Variants in NCBP1 observed in about 807,000 individuals in gnomAD.
NCBP1 encodes nuclear cap-binding protein subunit 1.
A neutral mutation model predicts 111.7 loss-of-function variants in NCBP1; 16 were observed. That is an observed-to-expected ratio of 0.14 (90% CI 0.10 to 0.22). NCBP1 has a LOEUF of 0.22. Among genes scored for constraint, NCBP1 ranks in the 10% least tolerant of loss-of-function variants. NCBP1 has a pLI of 1.00. For missense variants in NCBP1, 607 were observed against 957.5 expected (o/e 0.63, Z 4.83); for synonymous variants, 304 against 314.3 (o/e 0.97, Z 0.35).
At chr9:97,653,740 C>G in intron 10 of NCBP1, 58 bp from the exon 11 acceptor site, 1 of 1,317,364 alleles carries the variant, frequency 7.6e-7, no homozygotes, top group African/African-American at 1.5e-5. Flanking sequence ...TAAGGTCTTT[C>G]TAATAGAAGT....
chr9:97,670,877 A>C (rs1828169635), intron 22 of NCBP1, among the ~76,000 whole-genome samples: 1 of 152,170 alleles, frequency 6.6e-6, no homozygotes, highest in Admixed American at 6.5e-5. Flanking sequence ...GGATTTTTTA[A>C]AAAGCTATTG....
At chr9:97,668,768 T>C (rs944748789) in intron 20 of NCBP1, 78 bp from the exon 21 acceptor site, 3 of 1,494,180 alleles carry the variant, frequency 2.0e-6, no homozygotes, top group African/African-American at 2.8e-5. Context: ...CCAGACACAG[T>C]AAAATGCTTC....
rs1163946813 is a variant in NCBP1, at chr9:97,656,168, A to G, written c.1373+83A>G. 5 of 1,147,496 alleles carry G rather than the reference A, an allele frequency of 4.4e-6. 1 individual carries two copies. The Admixed American group carries it at 6.3e-5, about 15-fold the overall frequency. 71.1% of individuals were successfully genotyped at this position (1,147,496 alleles called of 1,614,324 possible). On this transcript the variant is annotated intron_variant, in intron 14 of 22. Coordinates refer to ENST00000375147, the MANE Select transcript of NCBP1 (RefSeq NM_002486.5). Reference sequence around the variant, plus strand: ...TGCACTTGTGATGTGTGTTCAGAATATTGGATTCAAAATCCACTTACTCAT... The same window carrying G: ...TGCACTTGTGATGTGTGTTCAGAATGTTGGATTCAAAATCCACTTACTCAT...
intron 16 of NCBP1, among the ~76,000 whole-genome samples, chr9:97,661,735 T>G (rs78741562): frequency 8.3e-6 from 1 of 121,132 alleles, no homozygotes; most frequent in Non-Finnish European, 1.5e-5. Flanking sequence ...CTTAAGTGTT[T>G]TTTTTTTTTT....
intron 14 of NCBP1, among the ~76,000 whole-genome samples, chr9:97,656,536 G>A (rs1383749524): frequency 6.6e-6 from 1 of 152,144 alleles, no homozygotes; most frequent in East Asian, 1.9e-4. Flanking sequence ...GGCCGACAGA[G>A]CGACACTCTT....
rs908115606 is a variant in NCBP1, at chr9:97,673,173, A to G, written c.*1974A>G. ...AGCATATAACATACAAAATGAGTTT[A>G]TCAACTGTTTGTTATTGGTAAGTCA... is the stretch of plus-strand genomic sequence containing the variant. On this transcript the variant is annotated 3_prime_UTR_variant, in exon 23 of 23. Transcript: ENST00000375147. The G allele has an allele frequency of 6.6e-6, 1 of 152,168 alleles. No homozygotes were observed. Among genetic ancestry groups the G allele is most frequent in the African/African-American group, 2.4e-5 (1 of 41,410 alleles). 9.4% of individuals were successfully genotyped at this position (152,168 alleles called of 1,614,324 possible).
chr9:97,651,134 T>G (rs1827486795), intron 9 of NCBP1, among the ~76,000 whole-genome samples, 176 bp from the exon 10 acceptor site: 1 of 152,200 alleles, frequency 6.6e-6, no homozygotes, highest in African/African-American at 2.4e-5. Flanking sequence ...CAGTAAAGAT[T>G]TTCCTTGTGG....
chr9:97,645,393 C>G (rs1338160112), intron 5 of NCBP1, among the ~76,000 whole-genome samples, 169 bp downstream of exon 5: 1 of 152,082 alleles, frequency 6.6e-6, no homozygotes, highest in East Asian at 1.9e-4. Flanking sequence ...ATTAAGCTGA[C>G]TGGCACACTG....
chr9:97,653,200 A>G (rs1034021639), intron 10 of NCBP1, among the ~76,000 whole-genome samples: 1 of 147,732 alleles, frequency 6.8e-6, no homozygotes, highest in South Asian at 2.1e-4. Context: ...AACTCAGTGC[A>G]ACCTCCGCCT....
In NCBP1 at chr9:97,662,944, T is replaced by C. The variant is rs376816057; in HGVS notation, c.1704-10T>C. The C allele has an allele frequency of 1.9e-6, 3 of 1,594,312 alleles. No homozygotes were observed. The highest frequency in any genetic ancestry group is 1.4e-5 in the African/African-American group (1 of 73,854). On this transcript the variant is annotated splice_polypyrimidine_tract_variant and intron_variant, in intron 17 of 22. Transcript: ENST00000375147. ...TATATATGGTATTTTTTTCCCATCA[T>C]TATCAAAAGGTTTCATGAAGTCTTC...
In NCBP1 at chr9:97,648,241, A is replaced by G; in HGVS notation, c.897+18A>G. On this transcript the variant is annotated intron_variant, in intron 8 of 22. Transcript: ENST00000375147. ...ATCCCGAGGTAAGTGACCGACTAAAAGTCCTAGATATTGACCTGTGTTGCA... is the reference window on the plus strand; with the variant it reads ...ATCCCGAGGTAAGTGACCGACTAAAGGTCCTAGATATTGACCTGTGTTGCA... 6.2e-7 allele frequency: 1 copy of G among 1,607,712 alleles called. No homozygotes were observed. The highest frequency in any genetic ancestry group is 8.5e-7 in the Non-Finnish European group (1 of 1,174,470).
chr9:97,640,553 C>T (rs1409036411), intron 1 of NCBP1, among the ~76,000 whole-genome samples: 1 of 151,980 alleles, frequency 6.6e-6, no homozygotes, highest in Non-Finnish European at 1.5e-5. Flanking sequence ...GCTCCATGGG[C>T]ACTACTCACA....
intron 1 of NCBP1, among the ~76,000 whole-genome samples, chr9:97,636,305 G>C (rs1827022796): frequency 6.6e-6 from 1 of 151,534 alleles, no homozygotes; most frequent in African/African-American, 2.4e-5. Flanking sequence ...ATTATAGAAG[G>C]CTATTTTAAA....
In NCBP1 at chr9:97,672,290, T is replaced by C. The variant is rs1206759878; in HGVS notation, c.*1091T>C. On this transcript the variant is annotated 3_prime_UTR_variant, in exon 23 of 23. Transcript: ENST00000375147. ...AACTACTGGTAGTGTTGTTGTGCAT[T>C]TGCACAAAATAGGTATAATTTTTTC... is the stretch of plus-strand genomic sequence containing the variant. The C allele has an allele frequency of 6.6e-6, 1 of 152,198 alleles. No individual in the cohort carries two copies. The highest frequency in any genetic ancestry group is 2.4e-5 in the African/African-American group (1 of 41,454). 9.4% of individuals were successfully genotyped at this position (152,198 alleles called of 1,614,324 possible).
intron 15 of NCBP1, 141 bp from the exon 16 acceptor site, chr9:97,660,805 T>C (rs1217859540): frequency 1.0e-6 from 1 of 986,328 alleles, no homozygotes; most frequent in Non-Finnish European, 1.5e-6. Context: ...TTATATGTGA[T>C]TAAATATTGA....
At chr9:97,666,588 G>C (rs1320030959) in intron 19 of NCBP1, among the ~76,000 whole-genome samples, 175 bp from the exon 20 acceptor site, 2 of 152,170 alleles carry the variant, frequency 1.3e-5, no homozygotes, top group Admixed American at 6.5e-5. Flanking sequence ...ATAGATACTT[G>C]CACAATTTAC....
intron 12 of NCBP1, 99 bp downstream of exon 12, chr9:97,655,043 T>C: frequency 9.1e-7 from 1 of 1,096,086 alleles, no homozygotes; most frequent in Non-Finnish European, 1.3e-6. Context: ...TTTCCATGTT[T>C]AGTTTTTTTC....
intron 14 of NCBP1, 29 bp downstream of exon 14, chr9:97,656,114 C>T (rs1362119184): frequency 6.5e-7 from 1 of 1,547,610 alleles, no homozygotes; most frequent in Non-Finnish European, 8.9e-7. Context: ...CTCCTTTTAA[C>T]TTCTTTGGGA....
rs1308577496 is a variant in NCBP1, at chr9:97,639,804, G to A, written c.35-990G>A. On this transcript the variant is annotated intron_variant, in intron 1 of 22. Transcript: ENST00000375147. Reference sequence around the variant, plus strand: ...GTGTGTTAAGGCTTTAAACAAAGTGGTAAGAGATACAAACAGCAAGGGTCT... The same window carrying A: ...GTGTGTTAAGGCTTTAAACAAAGTGATAAGAGATACAAACAGCAAGGGTCT... Among the ~76,000 whole-genome samples the A allele has an allele frequency of 6.6e-5, 10 of 152,220 alleles. No homozygotes were observed. In the East Asian group the frequency reaches 1.9e-3, roughly 29 times the overall value.
Sources: gnomAD v4.1 joint callset for allele counts (sites outside exome capture counted in the v4.1 genomes callset) on GRCh38, gnomAD v4.1.1 for gene constraint, MANE v1.5 for transcripts, NCBI Gene and HGNC (gene_info 2026-07-23, HGNC 2026-07-21) for gene names.